The following TTC6 variants were observed in gnomAD, a reference collection of about 807,000 sequenced individuals.
The protein encoded by TTC6 is tetratricopeptide repeat protein 6.
TTC6 carries 172 observed loss-of-function variants against 210.4 expected under a neutral mutation model. The ratio of observed to expected loss-of-function variants is 0.82; its 90% CI spans 0.72 to 0.93. TTC6 has a LOEUF of 0.93. Among genes scored for constraint, TTC6 ranks in the 40% least tolerant of loss-of-function variants. The pLI, the probability that TTC6 is intolerant of heterozygous loss-of-function variation, is 0.00. For missense variants in TTC6, 2,414 were observed against 2,318.1 expected (o/e 1.04, Z -0.85); for synonymous variants, 804 against 819.6 (o/e 0.98, Z 0.32).
intron 5 of TTC6, among the ~76,000 whole-genome samples, chr14:37,709,841 G>A (rs1451149132): frequency 1.3e-5 from 2 of 151,982 alleles, no homozygotes; most frequent in South Asian, 2.1e-4. Flanking sequence ...AATTATAAAG[G>A]ACTAAAGAAA....
chr14:37,603,751 T>C (rs1220718419), intron 1 of TTC6, among the ~76,000 whole-genome samples: 8 of 152,196 alleles, frequency 5.3e-5, no homozygotes, highest in Admixed American at 5.2e-4. Context: ...TGTCTGAGGC[T>C]GAAGATCTCT....
chr14:37,683,037 C>T, intron 3 of TTC6, 73 bp downstream of exon 5: 1 of 1,417,344 alleles, frequency 7.1e-7, no homozygotes, highest in East Asian at 2.5e-5. Flanking sequence ...AAGAATTGGC[C>T]CAGGCAAGGA....
intron 1 of TTC6, among the ~76,000 whole-genome samples, chr14:37,653,577 A>G (rs752897288): frequency 1.0e-4 from 15 of 149,682 alleles, no homozygotes; most frequent in Non-Finnish European, 1.8e-4. Flanking sequence ...GTCTTCTGCT[A>G]TGGTCGGGGA....
intron 3 of TTC6, among the ~76,000 whole-genome samples, chr14:37,689,442 A>G (rs1390867369): frequency 6.6e-6 from 1 of 152,172 alleles, no homozygotes; most frequent in Non-Finnish European, 1.5e-5. Flanking sequence ...AACCTGAAGA[A>G]AGATATCACT....
chr14:37,690,770 T>C (rs1299498373), intron 3 of TTC6, among the ~76,000 whole-genome samples: 1 of 151,800 alleles, frequency 6.6e-6, no homozygotes, highest in Non-Finnish European at 1.5e-5. Flanking sequence ...TCCAATACAA[T>C]AGCTGAAAAC....
chr14:37,797,016 A>T, intron 20 of TTC6, 69 bp downstream of exon 22: 1 of 1,297,490 alleles, frequency 7.7e-7, no homozygotes, highest in Non-Finnish European at 1.0e-6. Flanking sequence ...TTAGTATACC[A>T]CTTTAAATAT....
chr14:37,777,382 T>C (rs969629137), intron 14 of TTC6, among the ~76,000 whole-genome samples: 1 of 152,198 alleles, frequency 6.6e-6, no homozygotes, highest in African/African-American at 2.4e-5. Flanking sequence ...CTCAGCTTGG[T>C]CTGTTCTGCT....
At position 37,749,200 on chromosome 14, in the gene TTC6, A is replaced by G. The variant is rs779357220; in HGVS notation, c.2625A>G (p.Lys875=). The G allele has an allele frequency of 1.1e-4, 175 of 1,531,888 alleles. No individual in the cohort carries two copies. In the African/African-American group the frequency reaches 2.2e-3, roughly 20 times the overall value. The allele number at this position is 1,531,888 out of a possible 1,614,324, so 94.9% of individuals were successfully genotyped here. Residue 875 remains lysine (K), a synonymous_variant, in exon 11 of 31, where the codon AAA becomes AAG. Transcript: ENST00000553443. Reference sequence around the variant, plus strand: ...CTGAAGACCCACCTGAAAGAGTGAAAGAACCACCAAAACTAAAATTAAATG... The same window carrying G: ...CTGAAGACCCACCTGAAAGAGTGAAGGAACCACCAAAACTAAAATTAAATG...
exon 1 of TTC6, chr14:37,622,745 C>T (rs2095653698): frequency 6.5e-7 from 1 of 1,534,944 alleles, no homozygotes; most frequent in East Asian, 2.4e-5. Context: ...TGAGGATCCG[C>T]AGCAACTTCG....
chr14:37,623,896 GT>G (rs1225133103), intron 1 of TTC6, among the ~76,000 whole-genome samples: 1 of 152,132 alleles, frequency 6.6e-6, no homozygotes, highest in Non-Finnish European at 1.5e-5. Flanking sequence ...AGCAAAAGCA[GT>G]AACAAGGGAA....
At chr14:37,599,177 C>A (rs1161907484) in intron 1 of TTC6, among the ~76,000 whole-genome samples, 1 of 152,200 alleles carries the variant, frequency 6.6e-6, no homozygotes, top group Non-Finnish European at 1.5e-5. Context: ...AGACTGCGGT[C>A]CCCCGCGAGA....
chr14:37,671,998 TCTTTA>T (rs1270334552), intron 1 of TTC6, among the ~76,000 whole-genome samples: 1 of 152,166 alleles, frequency 6.6e-6, no homozygotes, highest in African/African-American at 2.4e-5. Context: ...CAGTTAAATC[TCTTTA>T]CTTTACAAAT....
chr14:37,608,170 C>T (rs1441890608), intron 2 of TTC6, among the ~76,000 whole-genome samples: 1 of 152,062 alleles, frequency 6.6e-6, no homozygotes, highest in African/African-American at 2.4e-5. Context: ...GAAATTTTTA[C>T]CAGGTTTTTA....
At chr14:37,641,543 C>CT (rs2095691788) in intron 1 of TTC6, among the ~76,000 whole-genome samples, 1 of 152,160 alleles carries the variant, frequency 6.6e-6, no homozygotes, top group Non-Finnish European at 1.5e-5. Flanking sequence ...CAGTTCATTG[C>CT]TAAGGATGCT....
Position 37,807,313 on chromosome 14 carries a change from T to C in TTC6, c.4315-7T>C, listed in dbSNP as rs2096120386. 2 of 1,507,692 alleles carry C rather than the reference T, an allele frequency of 1.3e-6. No homozygotes were observed. Among genetic ancestry groups the C allele is most frequent in the Middle Eastern group, 1.7e-4 (1 of 5,862 alleles). 93.4% of individuals were successfully genotyped at this position (1,507,692 alleles called of 1,614,324 possible). On this transcript the variant is annotated splice_polypyrimidine_tract_variant and splice_region_variant and intron_variant, in intron 22 of 30. Coordinates refer to ENST00000553443, the Ensembl canonical transcript of TTC6. Reference sequence around the variant, plus strand: ...CATTCCTGCTTTCTCTCTCTCTCTCTGAATAGGCATATTTAAGCCGAGTAG... The same window carrying C: ...CATTCCTGCTTTCTCTCTCTCTCTCCGAATAGGCATATTTAAGCCGAGTAG...
chr14:37,799,121 G>A lies in TTC6; in HGVS notation c.4029+2174G>A, dbSNP rs538917137. ...GAGTTTGTCTAAAGATTGTAAGGAT[G>A]TCTTCTTTGAAAGATTATTTAATGC... On this transcript the variant is annotated intron_variant, in intron 20 of 30. Transcript: ENST00000553443. Among the ~76,000 whole-genome samples, 23 of 152,138 alleles carry A rather than the reference G, an allele frequency of 1.5e-4. No individual in the cohort carries two copies. The South Asian group carries it at 4.6e-3, about 30-fold the overall frequency.
chr14:37,651,440 TTTTTTTTTTTTTTC>T (rs1357886013), intron 1 of TTC6, among the ~76,000 whole-genome samples: 1,299 of 107,278 alleles, frequency 0.012, 22 homozygotes, highest in South Asian at 0.022. Flanking sequence ...TTTTTTTTTT[TTTTTTTTTTTTTTC>T]CATCCATGAT....
At chr14:37,676,695 A>G (rs771189551) in intron 1 of TTC6, among the ~76,000 whole-genome samples, 3 of 152,138 alleles carry the variant, frequency 2.0e-5, no homozygotes, top group Non-Finnish European at 4.4e-5. Flanking sequence ...TACAGTTTAT[A>G]GGTCTTACAT....
intron 29 of TTC6, among the ~76,000 whole-genome samples, chr14:37,833,597 A>C (rs1246151763): frequency 1.3e-5 from 2 of 152,180 alleles, no homozygotes; most frequent in East Asian, 3.9e-4. Context: ...AACTGGTTAC[A>C]TTCTGAGTTC....
Sources: allele counts gnomAD v4.1 joint callset (sites outside exome capture counted in the v4.1 genomes callset), GRCh38; gene constraint gnomAD v4.1.1; transcripts MANE v1.5; gene names NCBI Gene and HGNC (gene_info 2026-07-23, HGNC 2026-07-21).